ZNF438: variants seen among roughly 807,000 people sequenced by gnomAD.
The protein encoded by ZNF438 is zinc finger protein 438.
A neutral mutation model predicts 38.0 loss-of-function variants in ZNF438; 25 were observed. That is an observed-to-expected ratio of 0.66 (90% CI 0.48 to 0.92). ZNF438 has a LOEUF of 0.92. Among genes scored for constraint, ZNF438 ranks in the 40% least tolerant of loss-of-function variants. The pLI is 0.00. For missense variants in ZNF438, 1,007 were observed against 999.6 expected (o/e 1.01, Z -0.10); for synonymous variants, 372 against 364.1 (o/e 1.02, Z -0.25).
At chr10:31,010,033 G>T (rs749504704) in intron 1 of ZNF438, among the ~76,000 whole-genome samples, 7 of 151,930 alleles carry the variant, frequency 4.6e-5, no homozygotes, top group Non-Finnish European at 8.8e-5. Flanking sequence ...ATTTTTAGTA[G>T]AGATGGGGTT....
intron 1 of ZNF438, among the ~76,000 whole-genome samples, chr10:31,012,280 C>T (rs567807340): frequency 5.3e-5 from 8 of 152,044 alleles, no homozygotes; most frequent in South Asian, 2.1e-4. Context: ...CCCGCCACCA[C>T]GCCCGGCTAA....
At chr10:30,928,033 G>A (rs746759815) in intron 2 of ZNF438, among the ~76,000 whole-genome samples, 7 of 152,232 alleles carry the variant, frequency 4.6e-5, no homozygotes, top group African/African-American at 7.2e-5. Flanking sequence ...TTGGGTCTCC[G>A]TACAATAAGG....
chr10:30,894,866 T>A (rs2041134956), intron 3 of ZNF438, among the ~76,000 whole-genome samples: 1 of 152,230 alleles, frequency 6.6e-6, no homozygotes, highest in Non-Finnish European at 1.5e-5. Flanking sequence ...CTATAACTAC[T>A]AATTGGTATA....
intron 2 of ZNF438, among the ~76,000 whole-genome samples, chr10:30,926,300 T>G (rs550118299): frequency 6.6e-6 from 1 of 152,206 alleles, no homozygotes; most frequent in African/African-American, 2.4e-5. Context: ...TAAAAATGCC[T>G]GATACAACTT....
intron 3 of ZNF438, among the ~76,000 whole-genome samples, chr10:30,890,959 A>C (rs2040609359): frequency 6.6e-6 from 1 of 152,218 alleles, no homozygotes; most frequent in Non-Finnish European, 1.5e-5. Flanking sequence ...TCCAGGTTGA[A>C]AATTAAAGGC....
chr10:31,009,376 T>G (rs1443976781), intron 1 of ZNF438, among the ~76,000 whole-genome samples: 1 of 152,194 alleles, frequency 6.6e-6, no homozygotes, highest in East Asian at 1.9e-4. Flanking sequence ...CATATACTGA[T>G]AGCAATATTG....
chr10:30,984,898 T>TG (rs2136535019), intron 1 of ZNF438, among the ~76,000 whole-genome samples: 1 of 152,282 alleles, frequency 6.6e-6, no homozygotes, highest in East Asian at 1.9e-4. Flanking sequence ...TTACGGCCAT[T>TG]GTCCCAGTGT....
intron 1 of ZNF438, among the ~76,000 whole-genome samples, chr10:30,970,127 CACACACACACACACACATAT>C (rs991216687): frequency 7.9e-5 from 12 of 151,730 alleles, no homozygotes; most frequent in African/African-American, 2.4e-4. Context: ...CACACACACA[CACACACACACACACACATAT>C]ACACACACAC....
chr10:30,899,635 C>T (rs1234324237), intron 3 of ZNF438, among the ~76,000 whole-genome samples: 3 of 152,042 alleles, frequency 2.0e-5, no homozygotes, highest in African/African-American at 4.8e-5. Context: ...GAATAGCAAA[C>T]GTACTGAACC....
intron 3 of ZNF438, among the ~76,000 whole-genome samples, chr10:30,895,040 T>G (rs2041154064): frequency 6.6e-6 from 1 of 152,204 alleles, no homozygotes; most frequent in Non-Finnish European, 1.5e-5. Flanking sequence ...TATGAGGCAT[T>G]AACACATAGG....
intron 2 of ZNF438, among the ~76,000 whole-genome samples, chr10:30,922,662 C>T (rs1037517133): frequency 3.9e-5 from 6 of 151,960 alleles, no homozygotes; most frequent in African/African-American, 1.4e-4. Context: ...GGTGAAACCC[C>T]TTCTCTAGTA....
chr10:30,846,738 T>C (rs1467323884), intron 5 of ZNF438, among the ~76,000 whole-genome samples: 1 of 152,076 alleles, frequency 6.6e-6, no homozygotes, highest in Admixed American at 6.5e-5. Context: ...CAGGCATCAC[T>C]GTAGCTACCC....
chr10:30,902,755 G>C (rs1009659260), intron 3 of ZNF438, among the ~76,000 whole-genome samples: 2 of 152,220 alleles, frequency 1.3e-5, no homozygotes, highest in Non-Finnish European at 2.9e-5. Flanking sequence ...CTCACCCAGT[G>C]GATCTCCCAC....
At chr10:31,014,762 C>T (rs774066599) in intron 1 of ZNF438, among the ~76,000 whole-genome samples, 10 of 152,170 alleles carry the variant, frequency 6.6e-5, no homozygotes, top group African/African-American at 1.4e-4. Flanking sequence ...ATAAGATAAA[C>T]GCTTAAAACA....
At chr10:30,855,489 G>A (rs564255680) in intron 4 of ZNF438, among the ~76,000 whole-genome samples, 2 of 152,318 alleles carry the variant, frequency 1.3e-5, no homozygotes, top group South Asian at 4.1e-4. Context: ...CTATCAGGAA[G>A]TACATACAAG....
At chr10:31,005,160 C>T (rs1403253905) in intron 1 of ZNF438, among the ~76,000 whole-genome samples, 2 of 152,156 alleles carry the variant, frequency 1.3e-5, no homozygotes, top group African/African-American at 4.8e-5. Context: ...CTTGCACTCC[C>T]ATGTTCACTG....
At chr10:30,924,118 C>G (rs568464236) in intron 2 of ZNF438, among the ~76,000 whole-genome samples, 1 of 152,224 alleles carries the variant, frequency 6.6e-6, no homozygotes, top group East Asian at 1.9e-4. Context: ...AAAAATCTTG[C>G]AGATACCATC....
At chr10:31,009,420 C>T (rs148792025) in intron 1 of ZNF438, among the ~76,000 whole-genome samples, 46 of 152,320 alleles carry the variant, frequency 3.0e-4, no homozygotes, top group African/African-American at 1.1e-3. Context: ...CCTTGTTCAA[C>T]TCAATAGATA....
intron 1 of ZNF438, among the ~76,000 whole-genome samples, chr10:31,023,558 GTATGT>G (rs1476599946): frequency 3.3e-5 from 5 of 152,130 alleles, no homozygotes; most frequent in Admixed American, 6.5e-5. Context: ...AAAATCAAAA[GTATGT>G]TATATTAGCG....
Sources: gnomAD v4.1 joint callset for allele counts (sites outside exome capture counted in the v4.1 genomes callset) on GRCh38, gnomAD v4.1.1 for gene constraint, MANE v1.5 for transcripts, NCBI Gene and HGNC (gene_info 2026-07-23, HGNC 2026-07-21) for gene names.